Variants in RASGEF1C observed in about 807,000 individuals in gnomAD.
RASGEF1C encodes the protein RasGEF domain family member 1C.
In RASGEF1C, 27 loss-of-function variants were observed where a neutral mutation model predicts 58.1. The observed-to-expected ratio is 0.46, with a 90% CI of 0.34 to 0.64. RASGEF1C has a LOEUF of 0.64. Ranked by LOEUF, RASGEF1C falls within the 30% of genes least tolerant of loss-of-function variation. RASGEF1C has a pLI of 0.01. For missense variants in RASGEF1C, 502 were observed against 605.1 expected, an observed-to-expected ratio of 0.83 and a Z score of 1.79; for synonymous variants, 243 against 246.3, an observed-to-expected ratio of 0.99 and a Z score of 0.13.
At chr5:180,173,880 T>G (rs908120549) in intron 1 of RASGEF1C, among the ~76,000 whole-genome samples, 12 of 145,312 alleles carry the variant, frequency 8.3e-5, no homozygotes, top group African/African-American at 1.3e-4. Context: ...GCCACTGCAC[T>G]CCAGCCTGGG....
At chr5:180,132,315 G>C (rs1349475146) in intron 4 of RASGEF1C, among the ~76,000 whole-genome samples, 1 of 152,222 alleles carries the variant, frequency 6.6e-6, no homozygotes, top group East Asian at 1.9e-4. Context: ...GTGTGAATGC[G>C]GAGTCGTCCG....
intron 7 of RASGEF1C, among the ~76,000 whole-genome samples, chr5:180,119,825 T>C (rs1766136954): frequency 1.3e-5 from 2 of 152,208 alleles, no homozygotes. Flanking sequence ...CTCCTCTCAC[T>C]GGGGTACAAG....
At chr5:180,151,817 C>T (rs560170435) in intron 1 of RASGEF1C, among the ~76,000 whole-genome samples, 3,561 of 151,780 alleles carry the variant, frequency 0.023, 153 homozygotes, top group African/African-American at 0.081. Context: ...GCAATCTACT[C>T]ATCGGACAAA....
chr5:180,127,446 C>G (rs1766281043), intron 6 of RASGEF1C, among the ~76,000 whole-genome samples, 163 bp downstream of exon 6: 1 of 152,204 alleles, frequency 6.6e-6, no homozygotes, highest in South Asian at 2.1e-4. Flanking sequence ...GTGGTGCGCC[C>G]CCGAGCTGGA....
intron 1 of RASGEF1C, among the ~76,000 whole-genome samples, chr5:180,182,121 C>T (rs938483582): frequency 9.5e-5 from 13 of 136,654 alleles, no homozygotes; most frequent in Non-Finnish European, 1.1e-4. Context: ...AGGAGAATGG[C>T]GGGAACCCGG....
chr5:180,102,004 C>G (rs79323422), intron 13 of RASGEF1C, 67 bp downstream of exon 13: 468 of 810,612 alleles, frequency 5.8e-4, no homozygotes, highest in Non-Finnish European at 8.7e-4. Context: ...CACCTCGGCG[C>G]GAAGACTCAC....
chr5:180,141,096 G>A (rs1299316935), intron 1 of RASGEF1C, among the ~76,000 whole-genome samples: 1 of 152,196 alleles, frequency 6.6e-6, no homozygotes, highest in Non-Finnish European at 1.5e-5. Context: ...GCAAAGACAA[G>A]GACATGTAAA....
chr5:180,175,436 G>A (rs749089577), intron 1 of RASGEF1C, among the ~76,000 whole-genome samples: 1 of 152,182 alleles, frequency 6.6e-6, no homozygotes. Flanking sequence ...CTCAGATTTG[G>A]GGCTTCTTGG....
intron 1 of RASGEF1C, among the ~76,000 whole-genome samples, chr5:180,145,416 C>T (rs1177975227): frequency 2.6e-5 from 4 of 152,180 alleles, no homozygotes; most frequent in South Asian, 2.1e-4. Context: ...CCACCGTGCC[C>T]GGCCCGCTGC....
chr5:180,118,583 C>A (rs773614037), intron 10 of RASGEF1C, 26 bp downstream of exon 10: 2 of 1,578,748 alleles, frequency 1.3e-6, no homozygotes, highest in Admixed American at 1.8e-5. Flanking sequence ...CTGCAGCCCC[C>A]CTGGGCCAAC....
At chr5:180,145,216 G>A (rs938546548) in intron 1 of RASGEF1C, among the ~76,000 whole-genome samples, 1 of 152,170 alleles carries the variant, frequency 6.6e-6, no homozygotes, top group Non-Finnish European at 1.5e-5. Flanking sequence ...TGCCTCCCGG[G>A]TTCAAGCGAT....
At chr5:180,138,908 C>T (rs888430468) in intron 1 of RASGEF1C, among the ~76,000 whole-genome samples, 1 of 152,180 alleles carries the variant, frequency 6.6e-6, no homozygotes, top group African/African-American at 2.4e-5. Context: ...AATGCCTCGT[C>T]CTCGGTGAAG....
intron 1 of RASGEF1C, among the ~76,000 whole-genome samples, chr5:180,191,077 G>A (rs545254455): frequency 3.3e-5 from 5 of 152,258 alleles, no homozygotes; most frequent in South Asian, 2.1e-4. Context: ...AGTGAAAATC[G>A]AAATCACAAT....
rs2113229539 is a variant in RASGEF1C at position 180,101,348 on chromosome 5, C to T, written c.*153G>A. On this transcript the variant is annotated 3_prime_UTR_variant, in exon 14 of 14. Coordinates refer to ENST00000361132, the MANE Select transcript of RASGEF1C (RefSeq NM_175062.4). Reference sequence around the variant, plus strand: ...AAGGTCTCCTGTGCCCGTATGGCCACTGTGGGGGGGGGGGGGGCGGGCAGC... The same window carrying T: ...AAGGTCTCCTGTGCCCGTATGGCCATTGTGGGGGGGGGGGGGGCGGGCAGC... The T allele has an allele frequency of 1.3e-6, 1 of 743,526 alleles. No homozygotes were observed. The highest frequency in any genetic ancestry group is 3.0e-5 in the East Asian group (1 of 33,814). 46.1% of individuals were successfully genotyped at this position (743,526 alleles called of 1,614,324 possible). A position where few individuals can be genotyped will look rare whatever the true frequency, so the allele number is the denominator to read the frequency against.
intron 1 of RASGEF1C, among the ~76,000 whole-genome samples, chr5:180,191,499 G>C (rs1390336208): frequency 6.6e-6 from 1 of 152,168 alleles, no homozygotes; most frequent in Non-Finnish European, 1.5e-5. Flanking sequence ...TGGGACTACA[G>C]GCGCCCGCCA....
intron 1 of RASGEF1C, among the ~76,000 whole-genome samples, chr5:180,166,369 T>A (rs925980764): frequency 6.6e-6 from 1 of 152,178 alleles, no homozygotes; most frequent in African/African-American, 2.4e-5. Context: ...TCATTCCCCA[T>A]GTATGTGTCC....
intron 1 of RASGEF1C, among the ~76,000 whole-genome samples, chr5:180,207,059 G>A (rs1396574394): frequency 1.3e-5 from 2 of 152,124 alleles, no homozygotes; most frequent in African/African-American, 4.8e-5. Flanking sequence ...AAAGTCTAAA[G>A]GAAAAAAAGC....
intron 11 of RASGEF1C, among the ~76,000 whole-genome samples, chr5:180,113,088 A>G (rs866440957): frequency 0.011 from 152 of 13,908 alleles, 11 homozygotes; most frequent in Middle Eastern, 0.045. Flanking sequence ...GGGGATGGAC[A>G]GAGGGACTGG....
At chr5:180,103,749 T>C (rs948310208) in intron 12 of RASGEF1C, among the ~76,000 whole-genome samples, 1 of 152,190 alleles carries the variant, frequency 6.6e-6, no homozygotes, top group African/African-American at 2.4e-5. Context: ...ATCCTTTCAT[T>C]GTTATTGGTC....
Sources: allele counts gnomAD v4.1 joint callset (sites outside exome capture counted in the v4.1 genomes callset), GRCh38; gene constraint gnomAD v4.1.1; transcripts MANE v1.5; gene names NCBI Gene and HGNC (gene_info 2026-07-23, HGNC 2026-07-21).